FAM120C: variants seen among roughly 807,000 people sequenced by gnomAD.
The protein encoded by FAM120C is constitutive coactivator of PPAR-gamma-like protein 2.
Under a neutral mutation model 71.2 loss-of-function variants are expected in FAM120C, and 14 were observed. The observed-to-expected ratio is 0.20, with a 90% CI of 0.13 to 0.31. The LOEUF (loss-of-function observed/expected upper bound fraction) is 0.31. Ranked by LOEUF, FAM120C falls within the 10% of genes least tolerant of loss-of-function variation. The pLI is 1.00. For missense variants in FAM120C, 500 were observed against 879.0 expected, an observed-to-expected ratio of 0.57 and a Z score of 5.45; for synonymous variants, 354 against 353.2, an observed-to-expected ratio of 1.00 and a Z score of -0.03.
rs1284786636 is a variant in FAM120C, at chrX:54,070,270, C to T, written c.*2763G>A. On this transcript the variant is annotated 3_prime_UTR_variant, in exon 16 of 16. Coordinates refer to ENST00000375180, the MANE Select transcript of FAM120C (RefSeq NM_017848.6). ...AAATAAAAATCAAGGTTGGAGATGA[C>T]CCACTTGTTTCACCCTGGGCTAGGG... 1 of 111,717 alleles carries T rather than the reference C, an allele frequency of 9.0e-6. No homozygotes were observed. Among genetic ancestry groups the T allele is most frequent in the Non-Finnish European group, 1.9e-5 (1 of 53,165 alleles). The allele number at this position is 111,717 out of a possible 1,213,427, so 9.2% of individuals were successfully genotyped here.
chrX:54,090,555 A>C (rs1199244532), intron 11 of FAM120C, among the ~76,000 whole-genome samples: 1 of 110,310 alleles, frequency 9.1e-6, no homozygotes. Context: ...CATGTGACAC[A>C]CTGGCTCCTC....
chrX:54,149,147 G>A lies in FAM120C; in HGVS notation c.1158+2098C>T, dbSNP rs2146626451. On this transcript the variant is annotated intron_variant, in intron 4 of 15. Transcript: ENST00000375180. ...AAAAACCTGTACACAAATGTTTATA[G>A]CAGCTCTATTCATAACACCATAAAT... Among the ~76,000 whole-genome samples, 3 of 112,053 alleles carry A rather than the reference G, an allele frequency of 2.7e-5. No homozygotes were observed. The South Asian group carries it at 1.1e-3, about 41-fold the overall frequency.
chrX:54,177,820 A>T (rs1557136840), intron 1 of FAM120C, among the ~76,000 whole-genome samples: 1 of 111,822 alleles, frequency 8.9e-6, no homozygotes, highest in Non-Finnish European at 1.9e-5. Context: ...TTAAAGAAGC[A>T]GGCAGAAGAG....
At chrX:54,158,736 T>C (rs1427057210) in intron 2 of FAM120C, among the ~76,000 whole-genome samples, 3 of 110,749 alleles carry the variant, frequency 2.7e-5, no homozygotes, top group Non-Finnish European at 3.8e-5. Flanking sequence ...GCCACTACAC[T>C]CCAGCCTGGG....
chrX:54,079,668 A>G (rs192858379), intron 15 of FAM120C, among the ~76,000 whole-genome samples: 1 of 110,130 alleles, frequency 9.1e-6, no homozygotes, highest in East Asian at 2.9e-4. Context: ...GTGGTGGTGC[A>G]TGCCTATAAT....
intron 10 of FAM120C, among the ~76,000 whole-genome samples, chrX:54,097,742 T>C (rs782821172): frequency 9.0e-6 from 1 of 111,642 alleles, no homozygotes; most frequent in South Asian, 3.7e-4. Flanking sequence ...ATTTATTTAT[T>C]TTGAGATGGA....
chrX:54,161,700 C>T (rs1345107308), intron 1 of FAM120C, among the ~76,000 whole-genome samples: 2 of 112,500 alleles, frequency 1.8e-5, no homozygotes, highest in South Asian at 3.7e-4. Context: ...GGCCTGATCT[C>T]GGTTCAGTGC....
chrX:54,110,239 C>T (rs1159569276), intron 10 of FAM120C, among the ~76,000 whole-genome samples: 4 of 108,464 alleles, frequency 3.7e-5, no homozygotes, highest in East Asian at 5.9e-4. Flanking sequence ...CTGCCCATCT[C>T]GGCCTCCCTA....
rs781922112 is a variant in FAM120C, at chrX:54,124,382, G to T, written c.2063-7588C>A. 2.1e-4 allele frequency among the ~76,000 whole-genome samples: 6 copies of T among 28,365 alleles called. No individual in the cohort carries two copies. The East Asian group carries it at 5.0e-3, about 24-fold the overall frequency. The allele number at this position is 28,365 out of a possible 115,157, so 24.6% of individuals were successfully genotyped here. A position where few individuals can be genotyped will look rare whatever the true frequency, so the allele number is the denominator to read the frequency against. ...TAGCAATCAGCGAGATTCCGTGGGC[G>T]TAGGACCCTCTGAGCCAGGTGTGGG... On this transcript the variant is annotated intron_variant, in intron 9 of 15. Transcript: ENST00000375180.
At chrX:54,081,298 A>T in intron 14 of FAM120C, 24 bp downstream of exon 14, 1 of 1,195,624 alleles carries the variant, frequency 8.4e-7, no homozygotes, top group South Asian at 1.8e-5. Flanking sequence ...GGACTAGCTC[A>T]TATCAACCTA....
chrX:54,106,175 G>C (rs1159239984), intron 10 of FAM120C, among the ~76,000 whole-genome samples: 1 of 111,853 alleles, frequency 8.9e-6, no homozygotes, highest in East Asian at 2.8e-4. Flanking sequence ...CAAGGCTACG[G>C]TAACCAAAAC....
chrX:54,171,509 G>A (rs1298765768), intron 1 of FAM120C: 3 of 112,193 alleles, frequency 2.7e-5, no homozygotes, highest in African/African-American at 9.7e-5. Flanking sequence ...CGACATAAGT[G>A]AAAAACTAGA....
At chrX:54,117,707 C>CA (rs1211220499) in intron 9 of FAM120C, among the ~76,000 whole-genome samples, 96 of 103,878 alleles carry the variant, frequency 9.2e-4, no homozygotes, top group African/African-American at 2.3e-3. Context: ...GAAAAAAAAA[C>CA]AAAAAAAAAC....
chrX:54,074,203 G>GC (rs1173491119), intron 15 of FAM120C, among the ~76,000 whole-genome samples: 2 of 111,351 alleles, frequency 1.8e-5, no homozygotes, highest in African/African-American at 6.5e-5. Context: ...ATATGATCAT[G>GC]CCCCATTTGC....
chrX:54,149,286 CA>C (rs1316364339), intron 4 of FAM120C, among the ~76,000 whole-genome samples: 1 of 112,019 alleles, frequency 8.9e-6, no homozygotes, highest in East Asian at 2.8e-4. Flanking sequence ...AGGTAACACG[CA>C]ACAACTTAGA....
intron 1 of FAM120C, among the ~76,000 whole-genome samples, chrX:54,169,417 AT>A (rs782113266): frequency 8.9e-6 from 1 of 112,457 alleles, no homozygotes; most frequent in South Asian, 3.7e-4. Context: ...CATAAAAAAA[AT>A]AACTAGATTG....
At chrX:54,099,831 C>G (rs1007074563) in intron 10 of FAM120C, among the ~76,000 whole-genome samples, 1 of 112,052 alleles carries the variant, frequency 8.9e-6, no homozygotes, top group Non-Finnish European at 1.9e-5. Flanking sequence ...ATTTATATGT[C>G]TATCCTTATT....
chrX:54,076,513 G>T (rs971912558), intron 15 of FAM120C, among the ~76,000 whole-genome samples: 2 of 110,360 alleles, frequency 1.8e-5, no homozygotes, highest in Non-Finnish European at 3.8e-5. Flanking sequence ...AGTCAAAAAC[G>T]AAGTCAGCAG....
chrX:54,085,611 T>A, intron 13 of FAM120C, 104 bp downstream of exon 13: 4 of 737,744 alleles, frequency 5.4e-6, no homozygotes, highest in African/African-American at 2.2e-5. Flanking sequence ...GTCAATGAGA[T>A]GAGATATATG....
Sources: allele counts gnomAD v4.1 joint callset (sites outside exome capture counted in the v4.1 genomes callset), GRCh38; gene constraint gnomAD v4.1.1; transcripts MANE v1.5; gene names NCBI Gene and HGNC (gene_info 2026-07-23, HGNC 2026-07-21).